The following SH3RF1 variants were observed in gnomAD, a reference collection of about 807,000 sequenced individuals.
SH3RF1 encodes the protein SH3 domain containing ring finger 1, also known as E3 ubiquitin-protein ligase SH3RF1.
SH3RF1 carries 32 observed loss-of-function variants against 74.0 expected under a neutral mutation model. The ratio of observed to expected loss-of-function variants is 0.43; its 90% CI spans 0.33 to 0.58. SH3RF1 has a LOEUF of 0.58. Among genes scored for constraint, SH3RF1 ranks in the 20% least tolerant of loss-of-function variants. SH3RF1 has a pLI of 0.05. For synonymous variants in SH3RF1, 396 were observed against 439.6 expected (o/e 0.90, Z 1.24); for missense variants, 954 against 1,130.9 (o/e 0.84, Z 2.24).
chr4:169,198,369 G>A (rs1245726102), intron 2 of SH3RF1, among the ~76,000 whole-genome samples: 1 of 152,116 alleles, frequency 6.6e-6, no homozygotes, highest in Non-Finnish European at 1.5e-5. Flanking sequence ...TGTTAAATCA[G>A]CAGATTCTTC....
At position 169,120,919 on chromosome 4, in the gene SH3RF1, A is replaced by C. The variant is rs764811639; in HGVS notation, c.1417T>G (p.Leu473Val). 6.2e-7 allele frequency: 1 copy of C among 1,614,162 alleles called. No homozygotes were observed. Among genetic ancestry groups the C allele is most frequent in the East Asian group, 2.2e-5 (1 of 44,876 alleles). The change falls in exon 8 of 12, where the codon TTA becomes GTA. Residue 473 changes from leucine (L) to valine (V), a missense_variant. Transcript: ENST00000284637. The part of the protein sequence containing the change: ...ELELRKGEMF[L>V]VFERCQDGWF... ...CCATCCTGGCAGCGCTCAAACACTAAAAACATCTCCCCTTTTCTCAGCTCT... is the reference window on the plus strand; with the variant it reads ...CCATCCTGGCAGCGCTCAAACACTACAAACATCTCCCCTTTTCTCAGCTCT...
intron 2 of SH3RF1, among the ~76,000 whole-genome samples, chr4:169,179,379 C>T (rs1449103929): frequency 6.6e-6 from 1 of 152,210 alleles, no homozygotes; most frequent in East Asian, 1.9e-4. Flanking sequence ...CTGTGTTAGA[C>T]TTCTGACCTA....
Position 169,116,343 on chromosome 4 carries a change from G to C in SH3RF1, c.2065C>G (p.Leu689Val). 6.2e-7 allele frequency: 1 copy of C among 1,614,184 alleles called. No individual in the cohort carries two copies. Among genetic ancestry groups the C allele is most frequent in the African/African-American group, 1.3e-5 (1 of 75,044 alleles). ...GAAGCACTGTCAGGAGATGTGGGGAGTCCAGGGAGAACGGTCACTATCCGG... is the reference window on the plus strand; with the variant it reads ...GAAGCACTGTCAGGAGATGTGGGGACTCCAGGGAGAACGGTCACTATCCGG... ...SGRIVTVLPG[L>V]PTSPDSASSA... is the part of the protein sequence containing the mutation. The change falls in exon 10 of 12, where the codon CTC (leucine) becomes GTC (valine). Residue 689 changes from leucine to valine, a missense_variant. Leu to Val is a conservative substitution (Grantham distance 32). This residue lies in a region of SH3RF1 where 854 missense variants were observed against 962.5 expected (regional missense o/e 0.89). Transcript: ENST00000284637.
At chr4:169,141,935 C>T (rs991590941) in intron 4 of SH3RF1, among the ~76,000 whole-genome samples, 1 of 151,916 alleles carries the variant, frequency 6.6e-6, no homozygotes, top group South Asian at 2.1e-4. Context: ...GCCTCAGCCT[C>T]CTGAATAGCT....
intron 10 of SH3RF1, among the ~76,000 whole-genome samples, chr4:169,107,679 G>A (rs1733169118): frequency 6.6e-6 from 1 of 152,174 alleles, no homozygotes; most frequent in Non-Finnish European, 1.5e-5. Context: ...TAAGAGAGCT[G>A]ACTATGCAGA....
intron 2 of SH3RF1, among the ~76,000 whole-genome samples, chr4:169,203,534 G>C (rs963704043): frequency 4.0e-5 from 6 of 149,900 alleles, no homozygotes; most frequent in Non-Finnish European, 7.4e-5. Flanking sequence ...CTGGGCAACA[G>C]AGCCAGACCC....
intron 2 of SH3RF1, among the ~76,000 whole-genome samples, chr4:169,185,022 G>T (rs1734580630): frequency 6.6e-6 from 1 of 152,194 alleles, no homozygotes; most frequent in South Asian, 2.1e-4. Flanking sequence ...GTGATCAGGG[G>T]TTATCTGCTT....
At chr4:169,134,079 A>T (rs2126953271) in intron 5 of SH3RF1, among the ~76,000 whole-genome samples, 1 of 152,274 alleles carries the variant, frequency 6.6e-6, no homozygotes, top group South Asian at 2.1e-4. Flanking sequence ...AGTGCCCTAG[A>T]TAAGTAGTGT....
intron 2 of SH3RF1, among the ~76,000 whole-genome samples, chr4:169,188,713 A>C (rs1007982808): frequency 4.6e-5 from 7 of 152,266 alleles, no homozygotes; most frequent in African/African-American, 1.7e-4. Flanking sequence ...TTCAACCTGT[A>C]TACGGCAGTT....
At chr4:169,106,269 C>T (rs971306718) in intron 11 of SH3RF1, among the ~76,000 whole-genome samples, 3 of 151,814 alleles carry the variant, frequency 2.0e-5, no homozygotes, top group Non-Finnish European at 2.9e-5. Context: ...CTCGCCACCA[C>T]GTCTATTTCT....
intron 11 of SH3RF1, among the ~76,000 whole-genome samples, chr4:169,097,529 C>T (rs6851657): frequency 0.19 from 28,747 of 152,144 alleles, 2,949 homozygotes; most frequent in African/African-American, 0.27. Flanking sequence ...GCTCCTTAGC[C>T]TTCCTGTGCA....
chr4:169,121,795 A>G (rs4642204), intron 7 of SH3RF1, among the ~76,000 whole-genome samples: 2 of 152,248 alleles, frequency 1.3e-5, no homozygotes, highest in Admixed American at 1.3e-4. Context: ...TGTGAAGAAT[A>G]CCTTTCTGTC....
chr4:169,213,872 T>C (rs929850669), intron 2 of SH3RF1, among the ~76,000 whole-genome samples: 2 of 152,206 alleles, frequency 1.3e-5, no homozygotes, highest in Admixed American at 6.5e-5. Context: ...TTCATTAATC[T>C]GGTTTGTCTT....
At chr4:169,149,665 A>G (rs926026790) in intron 4 of SH3RF1, among the ~76,000 whole-genome samples, 9 of 152,164 alleles carry the variant, frequency 5.9e-5, no homozygotes, top group East Asian at 3.8e-4. Context: ...CCTCTTCCCA[A>G]CTTACCCACA....
At chr4:169,115,285 C>T (rs923964183) in intron 10 of SH3RF1, among the ~76,000 whole-genome samples, 5 of 152,178 alleles carry the variant, frequency 3.3e-5, no homozygotes, top group Non-Finnish European at 5.9e-5. Context: ...TAGCCTGTGG[C>T]CTGTGAGGAA....
At chr4:169,252,697 C>T (rs968671741) in intron 2 of SH3RF1, among the ~76,000 whole-genome samples, 3 of 152,182 alleles carry the variant, frequency 2.0e-5, no homozygotes, top group East Asian at 1.9e-4. Flanking sequence ...TGCCAAGAAA[C>T]GATGACCTTC....
intron 2 of SH3RF1, among the ~76,000 whole-genome samples, chr4:169,258,245 A>G (rs1390219823): frequency 1.3e-5 from 2 of 152,212 alleles, no homozygotes; most frequent in Non-Finnish European, 2.9e-5. Flanking sequence ...CAGCTTCCAC[A>G]CATCATATAT....
intron 4 of SH3RF1, among the ~76,000 whole-genome samples, chr4:169,138,684 C>A (rs570979134): frequency 1.3e-5 from 2 of 152,236 alleles, no homozygotes; most frequent in Admixed American, 1.3e-4. Context: ...ACAATAGACT[C>A]CATTAGTGGT....
chr4:169,252,001 G>A (rs561451900), intron 2 of SH3RF1, among the ~76,000 whole-genome samples: 11 of 152,292 alleles, frequency 7.2e-5, no homozygotes, highest in Non-Finnish European at 1.3e-4. Context: ...TTCAGTTGAA[G>A]CCTATAAAAG....
Sources: gnomAD v4.1 joint callset for allele counts (sites outside exome capture counted in the v4.1 genomes callset) on GRCh38, gnomAD v4.1.1 for gene constraint, gnomAD v4.1.1 regional missense constraint, MANE v1.5 for transcripts, NCBI Gene and HGNC (gene_info 2026-07-23, HGNC 2026-07-21) for gene names.